FHIT: variants seen among roughly 807,000 people sequenced by gnomAD.
The protein encoded by FHIT is bis(5'-adenosyl)-triphosphatase.
In FHIT, 19 loss-of-function variants were observed where a neutral mutation model predicts 17.9. The ratio of observed to expected loss-of-function variants is 1.06; its 90% confidence interval spans 0.74 to 1.56. The LOEUF is 1.56. Among genes scored for constraint, FHIT ranks in the 40% most tolerant of loss-of-function variants. The pLI is 0.00. For missense variants in FHIT, 248 were observed against 189.2 expected (o/e 1.31, Z -1.82); for synonymous variants, 81 against 69.7 (o/e 1.16, Z -0.81).
At chr3:61,060,460 G>A (rs1259897637) in intron 2 of FHIT, among the ~76,000 whole-genome samples, 4 of 152,194 alleles carry the variant, frequency 2.6e-5, no homozygotes, top group African/African-American at 9.7e-5. Context: ...GTGTTTCAGA[G>A]AAGAAAGCCA....
chr3:60,377,506 G>C lies in FHIT; in HGVS notation c.103+159354C>G, dbSNP rs1416727939. 1.7e-4 allele frequency among the ~76,000 whole-genome samples: 17 copies of C among 99,842 alleles called. 1 individual carries two copies. Among genetic ancestry groups the C allele is most frequent in the Admixed American group, 9.4e-4 (6 of 6,380 alleles). 65.5% of individuals were successfully genotyped at this position (99,842 alleles called of 152,430 possible). On this transcript the variant is annotated intron_variant, in intron 5 of 9. Coordinates refer to ENST00000492590, the MANE Select transcript of FHIT (RefSeq NM_002012.4). ...TTTTTTTTTTTTGAGACGGAGTCTCGCTCTGTCGCCCAGGCCGGACTGCGG... is the reference window on the plus strand; with the variant it reads ...TTTTTTTTTTTTGAGACGGAGTCTCCCTCTGTCGCCCAGGCCGGACTGCGG...
At chr3:60,603,504 T>G (rs1450438133) in intron 4 of FHIT, among the ~76,000 whole-genome samples, 1 of 152,114 alleles carries the variant, frequency 6.6e-6, no homozygotes. Flanking sequence ...CAGAGGGTAT[T>G]TCTCGGTGGT....
intron 4 of FHIT, among the ~76,000 whole-genome samples, chr3:60,630,048 T>A (rs2039398671): frequency 1.3e-5 from 2 of 152,206 alleles, no homozygotes. Flanking sequence ...CTATTTGTCT[T>A]ATGTTATCTT....
At chr3:60,696,618 C>A (rs1204809698) in intron 4 of FHIT, among the ~76,000 whole-genome samples, 2 of 152,092 alleles carry the variant, frequency 1.3e-5, no homozygotes, top group African/African-American at 2.4e-5. Context: ...GAACACGGTG[C>A]CATCCACAAA....
chr3:60,652,248 C>T (rs1037292533), intron 4 of FHIT, among the ~76,000 whole-genome samples: 3 of 152,176 alleles, frequency 2.0e-5, no homozygotes, highest in African/African-American at 7.2e-5. Flanking sequence ...TGAGGCCAAG[C>T]ACCAGCTTCA....
At chr3:60,164,791 G>A (rs888580465) in intron 5 of FHIT, among the ~76,000 whole-genome samples, 1 of 152,082 alleles carries the variant, frequency 6.6e-6, no homozygotes, top group Admixed American at 6.6e-5. Flanking sequence ...CTAAAGCTAA[G>A]AGAGTACATT....
At chr3:60,822,395 A>C (rs1031810397) in intron 3 of FHIT, among the ~76,000 whole-genome samples, 1 of 152,078 alleles carries the variant, frequency 6.6e-6, no homozygotes. Flanking sequence ...GTCTGGTGGG[A>C]AGAGTCTTTC....
chr3:59,888,503 A>G (rs1217652416), intron 8 of FHIT, among the ~76,000 whole-genome samples: 1 of 152,216 alleles, frequency 6.6e-6, no homozygotes, highest in Admixed American at 6.5e-5. Flanking sequence ...CAACATTATA[A>G]TAAGGACCAT....
At chr3:60,705,534 T>C (rs1455314339) in intron 4 of FHIT, among the ~76,000 whole-genome samples, 1 of 152,228 alleles carries the variant, frequency 6.6e-6, no homozygotes, top group Non-Finnish European at 1.5e-5. Flanking sequence ...TTCTATTGAA[T>C]TCGGGTTTGA....
intron 2 of FHIT, among the ~76,000 whole-genome samples, chr3:61,197,866 C>T (rs982628916): frequency 2.0e-5 from 3 of 150,564 alleles, no homozygotes; most frequent in African/African-American, 7.3e-5. Context: ...TCCAGCTCTA[C>T]GCCCACATAC....
At chr3:59,860,129 T>TA (rs983132145) in intron 8 of FHIT, among the ~76,000 whole-genome samples, 12 of 151,898 alleles carry the variant, frequency 7.9e-5, no homozygotes, top group East Asian at 1.9e-4. Context: ...GCTTCAGAAT[T>TA]AAAAAAAATA....
intron 4 of FHIT, among the ~76,000 whole-genome samples, chr3:60,681,771 C>A (rs936376914): frequency 3.3e-5 from 5 of 152,060 alleles, no homozygotes; most frequent in Non-Finnish European, 5.9e-5. Context: ...TAACTATATT[C>A]AATTCTATGA....
intron 8 of FHIT, among the ~76,000 whole-genome samples, chr3:59,819,564 C>T (rs752827431): frequency 5.9e-5 from 9 of 152,028 alleles, no homozygotes; most frequent in Non-Finnish European, 1.3e-4. Flanking sequence ...AGTCCTGGTC[C>T]CCTCCCTGGA....
At chr3:60,602,443 A>G (rs2107715138) in intron 4 of FHIT, among the ~76,000 whole-genome samples, 1 of 152,330 alleles carries the variant, frequency 6.6e-6, no homozygotes, top group South Asian at 2.1e-4. Context: ...TCAGGTATAA[A>G]GGTAATAGGT....
At position 60,028,139 on chromosome 3, in the gene FHIT, G is replaced by C. The variant is rs1020004079; in HGVS notation, c.104-13987C>G. On this transcript the variant is annotated intron_variant, in intron 5 of 9. Coordinates refer to ENST00000492590, the MANE Select transcript of FHIT (RefSeq NM_002012.4). ...AACTGGAAAACACATGCCCCAAGGT[G>C]GGTGGCCACCACCTAGAGATTTTTT... Among the ~76,000 whole-genome samples the C allele has an allele frequency of 4.0e-5, 6 of 151,192 alleles. No homozygotes were observed. The South Asian group carries it at 1.0e-3, about 26-fold the overall frequency.
intron 5 of FHIT, among the ~76,000 whole-genome samples, chr3:60,126,777 A>G (rs1305180911): frequency 6.6e-6 from 1 of 152,080 alleles, no homozygotes; most frequent in African/African-American, 2.4e-5. Context: ...ATTTTCCCCA[A>G]TCCTTCTCCC....
intron 5 of FHIT, among the ~76,000 whole-genome samples, chr3:60,470,211 T>G (rs548191143): frequency 3.3e-4 from 50 of 152,216 alleles, no homozygotes; most frequent in African/African-American, 1.2e-3. Flanking sequence ...AATTACTGCC[T>G]GGCTACCACC....
At chr3:59,807,963 G>A (rs1002487544) in intron 8 of FHIT, among the ~76,000 whole-genome samples, 1 of 152,148 alleles carries the variant, frequency 6.6e-6, no homozygotes, top group African/African-American at 2.4e-5. Flanking sequence ...CCATTTTAAA[G>A]TATATCGTTC....
chr3:59,936,271 T>C (rs909067380), intron 7 of FHIT, among the ~76,000 whole-genome samples: 2 of 152,100 alleles, frequency 1.3e-5, no homozygotes, highest in African/African-American at 2.4e-5. Flanking sequence ...AGAATATCTA[T>C]TTTTTTATTT....
Sources: gnomAD v4.1 joint callset for allele counts (sites outside exome capture counted in the v4.1 genomes callset) on GRCh38, gnomAD v4.1.1 for gene constraint, MANE v1.5 for transcripts, NCBI Gene and HGNC (gene_info 2026-07-23, HGNC 2026-07-21) for gene names.